Variants in RC3H1 observed in about 807,000 individuals in gnomAD.
The protein encoded by RC3H1 is roquin-1.
Under a neutral mutation model 138.2 loss-of-function variants are expected in RC3H1, and 50 were observed. That is an observed-to-expected ratio of 0.36 (90% CI 0.29 to 0.46). RC3H1 has a LOEUF of 0.46. Ranked by LOEUF, RC3H1 falls within the 20% of genes least tolerant of loss-of-function variation. RC3H1 has a pLI of 1.00. For missense variants in RC3H1, 1,031 were observed against 1,388.1 expected, an observed-to-expected ratio of 0.74 and a Z score of 4.09; for synonymous variants, 462 against 489.1, an observed-to-expected ratio of 0.94 and a Z score of 0.73.
chr1:173,965,245 A>G (rs1660059973), intron 9 of RC3H1, 125 bp from the exon 10 acceptor site: 4 of 902,420 alleles, frequency 4.4e-6, no homozygotes, highest in East Asian at 5.3e-5. Flanking sequence ...CAGTGTGTAT[A>G]TTTTGCATAA....
At chr1:173,996,144 C>G (rs1459578816) in intron 1 of RC3H1, among the ~76,000 whole-genome samples, 1 of 152,038 alleles carries the variant, frequency 6.6e-6, no homozygotes, top group African/African-American at 2.4e-5. Flanking sequence ...ATCCCAGCTA[C>G]TCGGGAGGCT....
chr1:174,002,531 C>G (rs1308785627), intron 1 of RC3H1, among the ~76,000 whole-genome samples: 1 of 152,078 alleles, frequency 6.6e-6, no homozygotes, highest in African/African-American at 2.4e-5. Flanking sequence ...AATCTTTGTT[C>G]AGGAGCTGAA....
chr1:174,007,254 G>A (rs1013663253), intron 1 of RC3H1, among the ~76,000 whole-genome samples: 2 of 151,980 alleles, frequency 1.3e-5, no homozygotes, highest in Non-Finnish European at 2.9e-5. Flanking sequence ...GCCGGGCGTG[G>A]TGGCGGGCGC....
rs921674016 is a variant in RC3H1 at position 174,005,215 on chromosome 1, C to T, written c.-150-12080G>A. On this transcript the variant is annotated intron_variant, in intron 1 of 19. Transcript: ENST00000367696. ...CAAGAGTACATGAAACAAAGAAGAG[C>T]TGTTTTATAATAGCTCAGATCCCTA... 4.6e-5 allele frequency among the ~76,000 whole-genome samples: 7 copies of T among 152,244 alleles called. No homozygotes were observed. In the East Asian group the frequency reaches 1.4e-3, roughly 30 times the overall value.
chr1:173,953,437 A>G (rs1659503507), intron 13 of RC3H1, among the ~76,000 whole-genome samples: 1 of 151,968 alleles, frequency 6.6e-6, no homozygotes, highest in African/African-American at 2.4e-5. Flanking sequence ...ACACCCAGCT[A>G]ATTTTGTATT....
At position 173,932,093 on chromosome 1, in the gene RC3H1, T is replaced by C. The variant is rs1287437094; in HGVS notation, c.*6628A>G. 1.3e-5 allele frequency: 2 copies of C among 152,146 alleles called. No individual in the cohort carries two copies. Among genetic ancestry groups the C allele is most frequent in the Non-Finnish European group, 2.9e-5 (2 of 67,994 alleles). 9.4% of individuals were successfully genotyped at this position (152,146 alleles called of 1,614,324 possible). A position where few individuals can be genotyped will look rare whatever the true frequency, so the allele number is the denominator to read the frequency against. On this transcript the variant is annotated 3_prime_UTR_variant, in exon 20 of 20. Coordinates refer to ENST00000367696, the MANE Select transcript of RC3H1 (RefSeq NM_172071.4). ...CACTTACAACCTGACTCAAATCTCATGGGCTCCTTTATTAACCAAGATTAT... is the reference window on the plus strand; with the variant it reads ...CACTTACAACCTGACTCAAATCTCACGGGCTCCTTTATTAACCAAGATTAT...
In RC3H1 at chr1:173,964,836, T is replaced by C; in HGVS notation, c.1616+3A>G. The stretch of plus-strand genomic sequence containing the variant: ...TGAAATAAGAGTTAGAAAAATGACG[T>C]ACAGGTCAGGAGGGGATCCAGGAGC... On this transcript the variant is annotated splice_donor_region_variant and intron_variant, in intron 10 of 19. Coordinates refer to ENST00000367696, the MANE Select transcript of RC3H1 (RefSeq NM_172071.4). 1.9e-6 allele frequency: 3 copies of C among 1,609,642 alleles called. No individual in the cohort carries two copies. Among genetic ancestry groups the C allele is most frequent in the Non-Finnish European group, 2.5e-6 (3 of 1,177,212 alleles).
chr1:173,964,762 C>A, intron 10 of RC3H1, 77 bp downstream of exon 10: 11 of 1,295,672 alleles, frequency 8.5e-6, no homozygotes, highest in South Asian at 7.7e-5. Flanking sequence ...TTTTTAAATC[C>A]CAAACATTAA....
chr1:174,002,326 G>C (rs976520748), intron 1 of RC3H1, among the ~76,000 whole-genome samples: 3 of 152,100 alleles, frequency 2.0e-5, no homozygotes, highest in Non-Finnish European at 4.4e-5. Flanking sequence ...TAATCATGTG[G>C]GATGCAGGGA....
intron 9 of RC3H1, 128 bp from the exon 10 acceptor site, chr1:173,965,248 T>C: frequency 1.1e-6 from 1 of 883,160 alleles, no homozygotes; most frequent in East Asian, 2.7e-5. Flanking sequence ...TGTGTATATT[T>C]TGCATAAAAT....
intron 1 of RC3H1, among the ~76,000 whole-genome samples, chr1:174,020,306 T>C (rs181657119): frequency 6.6e-6 from 1 of 152,350 alleles, no homozygotes; most frequent in Non-Finnish European, 1.5e-5. Context: ...AAGGTCAGTA[T>C]TGATATTCAT....
chr1:173,964,552 G>A (rs1334643557), intron 10 of RC3H1, among the ~76,000 whole-genome samples: 4 of 150,644 alleles, frequency 2.7e-5, no homozygotes, highest in African/African-American at 9.8e-5. Flanking sequence ...ATTTTTAGTA[G>A]AAATGGGTTT....
At chr1:173,948,727 C>T (rs926221916) in intron 14 of RC3H1, among the ~76,000 whole-genome samples, 3 of 151,604 alleles carry the variant, frequency 2.0e-5, no homozygotes, top group Admixed American at 6.6e-5. Flanking sequence ...TAGCTGGGAC[C>T]GGCGTGCACC....
intron 13 of RC3H1, among the ~76,000 whole-genome samples, chr1:173,958,458 A>G (rs1659734287): frequency 6.6e-6 from 1 of 152,088 alleles, no homozygotes; most frequent in Admixed American, 6.6e-5. Flanking sequence ...AGGCAGGAGA[A>G]TCGCTTGAAC....
intron 1 of RC3H1, among the ~76,000 whole-genome samples, chr1:174,020,206 CACA>C (rs1310250562): frequency 2.6e-5 from 4 of 151,244 alleles, no homozygotes; most frequent in South Asian, 4.2e-4. Flanking sequence ...GCAAAAAAGT[CACA>C]ACATCAGGAG....
At chr1:173,992,723 G>A (rs746075830) in intron 2 of RC3H1, 32 bp downstream of exon 2, 3 of 1,488,214 alleles carry the variant, frequency 2.0e-6, no homozygotes, top group Middle Eastern at 1.7e-4. Flanking sequence ...GAGAGAGGGA[G>A]AAATTTAAAA....
rs371190100 is a variant in RC3H1 at position 174,012,657 on chromosome 1, G to A, written c.-151+9439C>T. On this transcript the variant is annotated intron_variant, in intron 1 of 19. Coordinates refer to ENST00000367696, the MANE Select transcript of RC3H1 (RefSeq NM_172071.4). The stretch of plus-strand genomic sequence containing the variant: ...AAATTAGCCGGGTGTGGTGGCGGGC[G>A]CCTGTAGTCCCAGCTACTCGGGAGG... 9.9e-5 allele frequency among the ~76,000 whole-genome samples: 15 copies of A among 151,908 alleles called. No homozygotes were observed. The South Asian group carries it at 1.2e-3, about 13-fold the overall frequency.
intron 1 of RC3H1, among the ~76,000 whole-genome samples, chr1:174,021,706 C>T (rs1300431319): frequency 6.6e-6 from 1 of 152,120 alleles, no homozygotes; most frequent in East Asian, 1.9e-4. Flanking sequence ...CGCCCTCCCC[C>T]ACCCCCACAG....
chr1:173,945,528 C>T (rs1282864750), intron 17 of RC3H1, among the ~76,000 whole-genome samples: 1 of 152,194 alleles, frequency 6.6e-6, no homozygotes, highest in Non-Finnish European at 1.5e-5. Flanking sequence ...GTTTCAACTT[C>T]TGAGAAACTC....
Sources: allele counts gnomAD v4.1 joint callset (sites outside exome capture counted in the v4.1 genomes callset), GRCh38; gene constraint gnomAD v4.1.1; transcripts MANE v1.5; gene names NCBI Gene and HGNC (gene_info 2026-07-23, HGNC 2026-07-21).